Variants in NOX4 observed in about 807,000 individuals in gnomAD.
NOX4 encodes kidney oxidase-1.
NOX4 carries 69 observed loss-of-function variants against 87.6 expected under a neutral mutation model. The observed-to-expected ratio is 0.79, with a 90% CI of 0.65 to 0.96. The LOEUF (loss-of-function observed/expected upper bound fraction) is 0.96, where lower values mean the gene tolerates loss of function less well. Among genes scored for constraint, NOX4 ranks in the 40% least tolerant of loss-of-function variants. NOX4 has a pLI of 0.00. For synonymous variants in NOX4, 275 were observed against 238.2 expected (o/e 1.15, Z -1.42); for missense variants, 680 against 681.5 (o/e 1.00, Z 0.02).
chr11:89,342,433 G>A (rs1946045831), intron 13 of NOX4, among the ~76,000 whole-genome samples: 1 of 152,062 alleles, frequency 6.6e-6, no homozygotes, highest in South Asian at 2.1e-4. Flanking sequence ...TTAATTAAAA[G>A]TATAGGGTAA....
At chr11:89,437,921 T>C (rs1027290909) in intron 6 of NOX4, among the ~76,000 whole-genome samples, 1 of 152,006 alleles carries the variant, frequency 6.6e-6, no homozygotes, top group Non-Finnish European at 1.5e-5. Context: ...AATAAATACC[T>C]AATACAAAAG....
At position 89,340,058 on chromosome 11, in the gene NOX4, G is replaced by A. The variant is rs776242928; in HGVS notation, c.1446+5C>T. 27 of 1,496,158 alleles carry A rather than the reference G, an allele frequency of 1.8e-5. No individual in the cohort carries two copies. The highest frequency in any genetic ancestry group is 2.3e-5 in the Non-Finnish European group (26 of 1,116,776). The allele number at this position is 1,496,158 out of a possible 1,614,324, so 92.7% of individuals were successfully genotyped here. A position where few individuals can be genotyped will look rare whatever the true frequency, so the allele number is the denominator to read the frequency against. ...TTGCAAAACTAGAACCAACCCTAAT[G>A]TTACCTTGTTATGCAACATACAGAG... is the stretch of plus-strand genomic sequence containing the variant. On this transcript the variant is annotated splice_donor_5th_base_variant and intron_variant, in intron 15 of 17. Transcript: ENST00000263317.
intron 6 of NOX4, among the ~76,000 whole-genome samples, chr11:89,433,153 A>G (rs1285522075): frequency 6.6e-6 from 1 of 152,086 alleles, no homozygotes; most frequent in African/African-American, 2.4e-5. Flanking sequence ...CATCTCAAAC[A>G]TTTATTATTA....
chr11:89,470,085 T>TAATAAG (rs1945863558), intron 2 of NOX4, among the ~76,000 whole-genome samples: 1 of 145,208 alleles, frequency 6.9e-6, no homozygotes, highest in Admixed American at 6.7e-5. Flanking sequence ...AAAATAATAA[T>TAATAAG]AATAATAATA....
At chr11:89,378,570 A>G (rs1215030656) in intron 11 of NOX4, among the ~76,000 whole-genome samples, 2 of 152,182 alleles carry the variant, frequency 1.3e-5, no homozygotes, top group Non-Finnish European at 2.9e-5. Flanking sequence ...TATATTCCAC[A>G]GCACCTTACA....
the NOX4 span, among the ~76,000 whole-genome samples, chr11:89,528,000 G>T: frequency 5.9e-5 from 9 of 152,192 alleles, no homozygotes; most frequent in Non-Finnish European, 1.3e-4. Flanking sequence ...GAGAGGGGCT[G>T]TACCCTGCAA....
intron 8 of NOX4, among the ~76,000 whole-genome samples, chr11:89,403,468 C>T (rs1327608766): frequency 1.3e-5 from 2 of 152,090 alleles, no homozygotes; most frequent in African/African-American, 2.4e-5. Context: ...ACAGTACATG[C>T]TTTTTAAATT....
the NOX4 span, among the ~76,000 whole-genome samples, chr11:89,551,042 T>A: frequency 2.6e-5 from 4 of 152,350 alleles, no homozygotes; most frequent in Non-Finnish European, 4.4e-5. Context: ...AAATAGGGAA[T>A]CCTTTCCCCA....
At chr11:89,345,470 G>T (rs1347921651) in intron 13 of NOX4, among the ~76,000 whole-genome samples, 1 of 152,162 alleles carries the variant, frequency 6.6e-6, no homozygotes, top group East Asian at 1.9e-4. Flanking sequence ...ATGCTGGGCA[G>T]CTGCCACAGC....
At chr11:89,424,237 T>A (rs1050105542) in intron 7 of NOX4, among the ~76,000 whole-genome samples, 2 of 151,806 alleles carry the variant, frequency 1.3e-5, no homozygotes, top group Admixed American at 1.3e-4. Flanking sequence ...ATTCAATTTT[T>A]CAAACTAATT....
Position 89,473,755 on chromosome 11 carries a change from G to A in NOX4, c.153+16703C>T, listed in dbSNP as rs186025149. Among the ~76,000 whole-genome samples the A allele has an allele frequency of 3.0e-3, 457 of 151,976 alleles. 2 individuals are homozygous for A. The highest frequency in any genetic ancestry group is 9.3e-3 in the African/African-American group (386 of 41,408). On this transcript the variant is annotated intron_variant, in intron 2 of 17. Coordinates refer to ENST00000263317, the MANE Select transcript of NOX4 (RefSeq NM_016931.5). ...AATACTAGCAATCTTAGCTAACTCG[G>A]CATGTCTTTTAACTATGACTTTCAA... is the stretch of plus-strand genomic sequence containing the variant.
At chr11:89,431,744 C>G (rs566491971) in intron 7 of NOX4, among the ~76,000 whole-genome samples, 5 of 152,304 alleles carry the variant, frequency 3.3e-5, no homozygotes, top group African/African-American at 1.2e-4. Flanking sequence ...CACTTTTACA[C>G]TGTTGGTGGG....
intron 7 of NOX4, among the ~76,000 whole-genome samples, chr11:89,430,306 T>C (rs1008353080): frequency 3.9e-4 from 59 of 152,142 alleles, no homozygotes; most frequent in African/African-American, 1.3e-3. Flanking sequence ...GACAGGGATG[T>C]CCTCTCTCAC....
intron 4 of NOX4, among the ~76,000 whole-genome samples, chr11:89,448,767 C>T (rs547248524): frequency 2.0e-5 from 3 of 152,156 alleles, no homozygotes; most frequent in Non-Finnish European, 4.4e-5. Flanking sequence ...CCTGTAGTCC[C>T]AGCTACTTGG....
chr11:89,432,866 T>C lies in NOX4; in HGVS notation c.476-10A>G. On this transcript the variant is annotated splice_polypyrimidine_tract_variant and intron_variant, in intron 6 of 17. Transcript: ENST00000263317. Reference sequence around the variant, plus strand: ...CCTGTCAGGCCAGGAACTATAAAAATGTATACAAGTAGGTTTTTACTTAAA... The same window carrying C: ...CCTGTCAGGCCAGGAACTATAAAAACGTATACAAGTAGGTTTTTACTTAAA... The C allele has an allele frequency of 6.3e-7, 1 of 1,588,332 alleles. No homozygotes were observed. Among genetic ancestry groups the C allele is most frequent in the East Asian group, 2.3e-5 (1 of 44,330 alleles).
In NOX4 at chr11:89,329,751, A is replaced by C. The variant is rs1945392136; in HGVS notation, c.1617-2875T>G. The stretch of plus-strand genomic sequence containing the variant: ...GTACTAAAATATAAATCAAGACATC[A>C]ACTATTATATAACAAGCAAATTTGA... On this transcript the variant is annotated intron_variant, in intron 17 of 17. Coordinates refer to ENST00000263317, the MANE Select transcript of NOX4 (RefSeq NM_016931.5). Among the ~76,000 whole-genome samples the C allele has an allele frequency of 2.0e-5, 3 of 152,228 alleles. No individual in the cohort carries two copies. In the South Asian group the frequency reaches 6.2e-4, roughly 32 times the overall value.
chr11:89,498,317 AAGAT>A (rs1248816048), upstream of NOX4: 2 of 152,220 alleles, frequency 1.3e-5, no homozygotes, highest in East Asian at 1.9e-4. Context: ...GTATAGTAAA[AAGAT>A]AGAATCTATT....
At chr11:89,444,336 C>G (rs1944589241) in intron 4 of NOX4, 104 bp from the exon 5 acceptor site, 1 of 834,020 alleles carries the variant, frequency 1.2e-6, no homozygotes, top group Non-Finnish European at 2.0e-6. Flanking sequence ...CAAACTTTGA[C>G]AGCTATGTGG....
chr11:89,373,319 C>T, intron 12 of NOX4, 113 bp downstream of exon 12: 2 of 468,308 alleles, frequency 4.3e-6, no homozygotes, highest in Non-Finnish European at 7.7e-6. Context: ...CCCAGAACAG[C>T]TTGAAACACA....
Sources: gnomAD v4.1 joint callset for allele counts (sites outside exome capture counted in the v4.1 genomes callset) on GRCh38, gnomAD v4.1.1 for gene constraint, MANE v1.5 for transcripts, NCBI Gene and HGNC (gene_info 2026-07-23, HGNC 2026-07-21) for gene names.